Variants in POLD3 observed in about 807,000 individuals in gnomAD.
POLD3 encodes DNA polymerase delta subunit 3.
A neutral mutation model predicts 58.2 loss-of-function variants in POLD3; 19 were observed. That is an observed-to-expected ratio of 0.33 (90% CI 0.23 to 0.48). The LOEUF (loss-of-function observed/expected upper bound fraction) is 0.48, where lower values mean the gene tolerates loss of function less well. Among genes scored for constraint, POLD3 ranks in the 20% least tolerant of loss-of-function variants. POLD3 has a pLI of 0.99. For synonymous variants in POLD3, 172 were observed against 193.5 expected, an observed-to-expected ratio of 0.89 and a Z score of 0.92; for missense variants, 504 against 545.5, an observed-to-expected ratio of 0.92 and a Z score of 0.76.
chr11:74,639,912 A>C (rs2032864769), intron 11 of POLD3, among the ~76,000 whole-genome samples: 1 of 152,224 alleles, frequency 6.6e-6, no homozygotes, highest in Admixed American at 6.5e-5. Context: ...TGAGATAGTT[A>C]ACCTTCATGA....
Position 74,640,278 on chromosome 11 carries a change from G to C in POLD3, c.1199-286G>C, listed in dbSNP as rs755293562. On this transcript the variant is annotated intron_variant, in intron 11 of 11. Coordinates refer to ENST00000263681, the MANE Select transcript of POLD3 (RefSeq NM_006591.3). ...GGCCAGGACCCAAATAAAGGATTTA[G>C]GCAATTCACTGATAAAGGGCCATTT... 7.5e-4 allele frequency among the ~76,000 whole-genome samples: 114 copies of C among 152,306 alleles called. 1 individual carries two copies. Among genetic ancestry groups the C allele is most frequent in the Admixed American group, 2.9e-3 (44 of 15,300 alleles).
intron 4 of POLD3, among the ~76,000 whole-genome samples, chr11:74,648,364 T>A (rs115478985): frequency 1.5e-4 from 23 of 152,298 alleles, no homozygotes; most frequent in African/African-American, 5.5e-4. Flanking sequence ...ACTCTAGTCT[T>A]TCTGACTTGA....
intron 2 of POLD3, among the ~76,000 whole-genome samples, chr11:74,600,606 G>T (rs1438016817): frequency 2.0e-5 from 3 of 151,578 alleles, no homozygotes; most frequent in African/African-American, 7.3e-5. Context: ...CTGCACTCCA[G>T]CCTGGCGACA....
intron 4 of POLD3, among the ~76,000 whole-genome samples, chr11:74,656,210 C>A (rs1198815849): frequency 6.6e-6 from 1 of 152,090 alleles, no homozygotes; most frequent in Non-Finnish European, 1.5e-5. Context: ...AATGTAGGTG[C>A]TTATAGCTAT....
Position 74,618,540 on chromosome 11 carries a change from T to C in POLD3, c.396T>C (p.Phe132=). Residue 132 remains phenylalanine, a synonymous_variant, in exon 6 of 12, where the codon TTT becomes TTC. Coordinates refer to ENST00000263681, the MANE Select transcript of POLD3 (RefSeq NM_006591.3). Reference sequence around the variant, plus strand: ...AATGTAACATTTCTGTCCCCAGATTTAGTGCTATACAATGTGCAGCTGCCG... The same window carrying C: ...AATGTAACATTTCTGTCCCCAGATTCAGTGCTATACAATGTGCAGCTGCCG... ...LKSNLQNCSK[F]SAIQCAAAVP... The C allele has an allele frequency of 1.2e-6, 2 of 1,604,644 alleles. No homozygotes were observed. Among genetic ancestry groups the C allele is most frequent in the Non-Finnish European group, 1.7e-6 (2 of 1,173,370 alleles).
chr11:74,597,262 T>C (rs982462376), intron 2 of POLD3, among the ~76,000 whole-genome samples: 2 of 152,232 alleles, frequency 1.3e-5, no homozygotes, highest in Non-Finnish European at 2.9e-5. Flanking sequence ...GTTTTCTTTT[T>C]GATGTGTTGC....
chr11:74,602,704 G>A (rs1194256429), intron 2 of POLD3, among the ~76,000 whole-genome samples: 2 of 152,160 alleles, frequency 1.3e-5, no homozygotes, highest in Admixed American at 1.3e-4. Context: ...CATTACCTCT[G>A]CTCTCAACTT....
intron 2 of POLD3, among the ~76,000 whole-genome samples, chr11:74,601,262 G>C (rs987743750): frequency 1.3e-5 from 2 of 152,152 alleles, no homozygotes; most frequent in Non-Finnish European, 2.9e-5. Context: ...AAACCAAAAT[G>C]TTTGTGGATC....
At chr11:74,610,009 T>C (rs1241269842) in intron 3 of POLD3, among the ~76,000 whole-genome samples, 1 of 152,214 alleles carries the variant, frequency 6.6e-6, no homozygotes, top group Non-Finnish European at 1.5e-5. Flanking sequence ...GTTTTAGGGT[T>C]ACATTCCTAG....
intron 8 of POLD3, among the ~76,000 whole-genome samples, chr11:74,625,811 G>A (rs2032415951): frequency 6.6e-6 from 1 of 151,292 alleles, no homozygotes; most frequent in Non-Finnish European, 1.5e-5. Context: ...TGGCCGTATT[G>A]ATCTAAATTG....
intron 7 of POLD3, among the ~76,000 whole-genome samples, chr11:74,622,861 T>G (rs2032307967): frequency 6.6e-6 from 1 of 152,240 alleles, no homozygotes; most frequent in South Asian, 2.1e-4. Context: ...ATTAAAACTG[T>G]ATGTCCACAC....
chr11:74,631,253 C>T (rs960071271), intron 9 of POLD3, among the ~76,000 whole-genome samples: 1 of 152,164 alleles, frequency 6.6e-6, no homozygotes, highest in Non-Finnish European at 1.5e-5. Context: ...AGAGAAAATA[C>T]AAGAACTTTG....
chr11:74,637,483 A>C (rs2032784825), intron 11 of POLD3, among the ~76,000 whole-genome samples: 1 of 110,978 alleles, frequency 9.0e-6, no homozygotes. Flanking sequence ...TGCCATTTTC[A>C]AGCCTCTTGG....
chr11:74,657,711 G>T (rs779950963), intron 4 of POLD3, among the ~76,000 whole-genome samples: 3 of 152,160 alleles, frequency 2.0e-5, no homozygotes, highest in Non-Finnish European at 4.4e-5. Context: ...ATAATAGTCT[G>T]TTTTTCTGTG....
chr11:74,614,753 T>C (rs1441997589), intron 5 of POLD3, among the ~76,000 whole-genome samples: 1 of 146,600 alleles, frequency 6.8e-6, no homozygotes, highest in Non-Finnish European at 1.5e-5. Context: ...GGGGACAAGG[T>C]GTGTGGGGGT....
chr11:74,653,071 A>G (rs1374072874), intron 4 of POLD3, among the ~76,000 whole-genome samples: 1 of 152,254 alleles, frequency 6.6e-6, no homozygotes, highest in East Asian at 1.9e-4. Flanking sequence ...ATGGACTTCA[A>G]AAATACCTTC....
chr11:74,613,430 G>GT (rs34472322), intron 5 of POLD3, among the ~76,000 whole-genome samples: 1 of 151,606 alleles, frequency 6.6e-6, no homozygotes. Flanking sequence ...CCAGGATCAG[G>GT]TTTTTTTTTA....
At chr11:74,616,013 T>C (rs971817812) in intron 5 of POLD3, among the ~76,000 whole-genome samples, 2 of 152,180 alleles carry the variant, frequency 1.3e-5, no homozygotes, top group African/African-American at 4.8e-5. Context: ...AAGAAAATAT[T>C]AACACCCTGA....
chr11:74,620,460 C>T (rs905835891), intron 7 of POLD3, among the ~76,000 whole-genome samples: 3 of 152,162 alleles, frequency 2.0e-5, no homozygotes, highest in Non-Finnish European at 4.4e-5. Context: ...GTCAGTTTGC[C>T]TGGTGTGACC....
Sources: allele counts gnomAD v4.1 joint callset (sites outside exome capture counted in the v4.1 genomes callset), GRCh38; gene constraint gnomAD v4.1.1; transcripts MANE v1.5; gene names NCBI Gene and HGNC (gene_info 2026-07-23, HGNC 2026-07-21).